WASHC2C: variants seen among roughly 807,000 people sequenced by gnomAD.
WASHC2C encodes the protein WASH complex subunit 2C, also known as Vaccinia Penetration Factor.
WASHC2C carries 73 observed loss-of-function variants against 142.2 expected under a neutral mutation model. The ratio of observed to expected loss-of-function variants is 0.51; its 90% CI spans 0.43 to 0.62. WASHC2C has a LOEUF of 0.62. WASHC2C is among the 20% of genes least tolerant of loss of function. The pLI, the probability that WASHC2C is intolerant of heterozygous loss-of-function variation, is 0.00. For synonymous variants in WASHC2C, 337 were observed against 565.5 expected, an observed-to-expected ratio of 0.60 and a Z score of 5.73; for missense variants, 969 against 1,531.7, an observed-to-expected ratio of 0.63 and a Z score of 6.13.
At chr10:45,788,759 T>C (rs2058228912) in intron 28 of WASHC2C, 112 bp from the exon 29 acceptor site, 13 of 1,548,586 alleles carry the variant, frequency 8.4e-6, no homozygotes, top group Non-Finnish European at 8.8e-6. Flanking sequence ...AATATCTTCA[T>C]TGAAGTAGAC....
intron 8 of WASHC2C, among the ~76,000 whole-genome samples, chr10:45,747,588 A>G (rs1195179866): frequency 2.0e-5 from 3 of 151,552 alleles, no homozygotes; most frequent in Non-Finnish European, 4.4e-5. Flanking sequence ...AATGTATTCA[A>G]TATTTTCTTT....
intron 7 of WASHC2C, 57 bp from the exon 8 acceptor site, chr10:45,746,543 T>C: frequency 6.3e-7 from 1 of 1,591,850 alleles, no homozygotes. Context: ...CCTGCAATCA[T>C]TTCTGTGCTT....
At chr10:45,785,037 C>A in intron 25 of WASHC2C, 136 bp downstream of exon 25, 2 of 1,588,960 alleles carry the variant, frequency 1.3e-6, no homozygotes, top group Non-Finnish European at 8.6e-7. Flanking sequence ...AAATAACATG[C>A]CGAGGGGAGC....
At position 45,738,030 on chromosome 10, in the gene WASHC2C, A is replaced by G. The variant is rs781862644; in HGVS notation, c.339A>G (p.Ala113=). The G allele has an allele frequency of 1.2e-6, 2 of 1,611,914 alleles. No individual in the cohort carries two copies. Among genetic ancestry groups the G allele is most frequent in the Non-Finnish European group, 1.7e-6 (2 of 1,179,846 alleles). The change falls in exon 4 of 31, where the codon GCA becomes GCG. Residue 113 remains alanine, a synonymous_variant. Coordinates refer to ENST00000623400, the MANE Select transcript of WASHC2C (RefSeq NM_001330074.2). ...AGGAGCCAGTACTCAAGGCTGAGGC[A>G]GAAAAAACAGAGCAGGTACTTGTAT... The part of the protein sequence containing the change: ...EVEEPVLKAE[A]EKTEQEKTRE...
At chr10:45,749,897 TA>T (rs1184342716) in intron 8 of WASHC2C, among the ~76,000 whole-genome samples, 198 bp from the exon 9 acceptor site, 219 of 143,614 alleles carry the variant, frequency 1.5e-3, no homozygotes, top group Non-Finnish European at 2.5e-3. Context: ...TATTTTTATA[TA>T]TTTTTTTTCT....
intron 13 of WASHC2C, among the ~76,000 whole-genome samples, chr10:45,753,850 A>G (rs1216446399): frequency 7.8e-5 from 11 of 141,816 alleles, no homozygotes; most frequent in African/African-American, 2.6e-4. Context: ...CTTTTTTTTT[A>G]ACCTACAAAT....
intron 26 of WASHC2C, 141 bp downstream of exon 26, chr10:45,785,772 C>A: frequency 6.7e-7 from 1 of 1,481,590 alleles, no homozygotes; most frequent in Non-Finnish European, 9.2e-7. Flanking sequence ...GTCTTCACTG[C>A]ACTTCCCCCG....
intron 20 of WASHC2C, chr10:45,771,900 A>G (rs1217051227): frequency 3.7e-6 from 3 of 812,482 alleles, no homozygotes; most frequent in South Asian, 5.4e-5. Context: ...ATTCCTATGT[A>G]TATACATAAG....
chr10:45,787,217 T>G lies in WASHC2C; in HGVS notation c.3057T>G (p.Ala1019=), dbSNP rs1477752967. The part of the protein sequence containing the change: ...GEAGVSFDLP[A]QADTLHSANK... ...CCGGTGTGAGTTTTGATCTTCCAGCTCAGGCAGACACCTTACACAGTGCAA... is the reference window on the plus strand; with the variant it reads ...CCGGTGTGAGTTTTGATCTTCCAGCGCAGGCAGACACCTTACACAGTGCAA... Residue 1019 remains alanine, a synonymous_variant, in exon 28 of 31, where the codon GCT becomes GCG. Transcript: ENST00000623400. 2.0e-6 allele frequency: 3 copies of G among 1,516,724 alleles called. No individual in the cohort carries two copies. The highest frequency in any genetic ancestry group is 2.4e-5 in the South Asian group (2 of 84,148). 94.0% of individuals were successfully genotyped at this position (1,516,724 alleles called of 1,614,324 possible).
chr10:45,750,779 A>G lies in WASHC2C; in HGVS notation c.872A>G (p.Asp291Gly). ...PKRSRPTSFA[D>G]ELAARIKGDA... The stretch of plus-strand genomic sequence containing the variant: ...AGAAGCAGACCTACATCGTTTGCAG[A>G]TGAGCTGGCTGCCCGCATCAAGGGG... Residue 291 changes from aspartate to glycine, a missense_variant, in exon 10 of 31, where the codon GAT becomes GGT. By Grantham distance (94) the Asp-to-Gly change is moderately conservative. Coordinates refer to ENST00000623400, the MANE Select transcript of WASHC2C (RefSeq NM_001330074.2). The G allele has an allele frequency of 6.5e-7, 1 of 1,548,924 alleles. No homozygotes were observed. Among genetic ancestry groups the G allele is most frequent in the Non-Finnish European group, 8.7e-7 (1 of 1,147,156 alleles).
chr10:45,769,275 G>A (rs1247113107), intron 19 of WASHC2C, among the ~76,000 whole-genome samples, 174 bp from the exon 20 acceptor site: 8 of 150,964 alleles, frequency 5.3e-5, no homozygotes, highest in East Asian at 2.0e-4. Context: ...CCGCCACCAC[G>A]CCCGGCTAAT....
intron 20 of WASHC2C, among the ~76,000 whole-genome samples, chr10:45,770,966 A>T (rs1554884392): frequency 6.6e-6 from 1 of 152,138 alleles, no homozygotes; most frequent in Non-Finnish European, 1.5e-5. Context: ...TAGCATCGTG[A>T]CTGCAGGGAA....
intron 30 of WASHC2C, among the ~76,000 whole-genome samples, chr10:45,791,550 C>T (rs2058393371): frequency 6.9e-6 from 1 of 145,966 alleles, no homozygotes; most frequent in African/African-American, 2.5e-5. Context: ...GCAGAGATCT[C>T]CTTCCTTGTT....
intron 3 of WASHC2C, among the ~76,000 whole-genome samples, chr10:45,730,354 A>T (rs1346246982): frequency 6.7e-6 from 1 of 149,804 alleles, no homozygotes; most frequent in Non-Finnish European, 1.5e-5. Flanking sequence ...TCTCAAAAAA[A>T]AAAAAAAGTA....
rs150463881 is a variant in WASHC2C, at chr10:45,784,963, C to A, written c.2688+62C>A. 6.2e-6 allele frequency: 10 copies of A among 1,610,642 alleles called. No homozygotes were observed. The Admixed American group carries it at 6.7e-5, about 11-fold the overall frequency. ...GAAAGATTCTGGGAAAGGAAACTAACGTCCAGTTAGATGATTAAGGAAAAT... is the reference window on the plus strand; with the variant it reads ...GAAAGATTCTGGGAAAGGAAACTAAAGTCCAGTTAGATGATTAAGGAAAAT... On this transcript the variant is annotated intron_variant, in intron 25 of 30. Transcript: ENST00000623400.
intron 26 of WASHC2C, chr10:45,786,047 G>A (rs1435491695): frequency 7.3e-6 from 2 of 273,682 alleles, no homozygotes; most frequent in African/African-American, 4.5e-5. Context: ...GCCGTACTCT[G>A]CAGCAGTCTT....
intron 3 of WASHC2C, among the ~76,000 whole-genome samples, chr10:45,734,359 C>CTGTG (rs139735516): frequency 0.21 from 31,175 of 147,974 alleles, 3,237 homozygotes; most frequent in Admixed American, 0.26. Context: ...TTCTAGATGA[C>CTGTG]TGTGTGTGTG....
intron 18 of WASHC2C, among the ~76,000 whole-genome samples, chr10:45,764,089 T>A (rs1302042529): frequency 6.6e-6 from 1 of 151,044 alleles, no homozygotes; most frequent in African/African-American, 2.4e-5. Context: ...TTTAACAGTG[T>A]GGAGGTTATT....
At chr10:45,749,851 A>ATATATATTTT (rs797033033) in intron 8 of WASHC2C, among the ~76,000 whole-genome samples, 1 of 108,166 alleles carries the variant, frequency 9.2e-6, no homozygotes, top group African/African-American at 4.1e-5. Context: ...ATATATATAT[A>ATATATATTTT]TATATTTATA....
Sources: gnomAD v4.1 joint callset for allele counts (sites outside exome capture counted in the v4.1 genomes callset) on GRCh38, gnomAD v4.1.1 for gene constraint, MANE v1.5 for transcripts, NCBI Gene and HGNC (gene_info 2026-07-23, HGNC 2026-07-21) for gene names.